Variants in FGF12 observed in about 807,000 individuals in gnomAD.
FGF12 encodes the protein fibroblast growth factor 12, also known as fibroblast growth factor 12B.
In FGF12, 14 loss-of-function variants were observed where a neutral mutation model predicts 23.6. That is an observed-to-expected ratio of 0.59 (90% confidence interval 0.39 to 0.93). FGF12 has a LOEUF of 0.93. FGF12 is among the 40% of genes least tolerant of loss of function. FGF12 has a pLI of 0.00. For missense variants in FGF12, 175 were observed against 217.8 expected, an observed-to-expected ratio of 0.80 and a Z score of 1.24; for synonymous variants, 62 against 77.3, an observed-to-expected ratio of 0.80 and a Z score of 1.04.
At chr3:192,160,283 C>T (rs1231139752) in intron 5 of FGF12, among the ~76,000 whole-genome samples, 1 of 152,098 alleles carries the variant, frequency 6.6e-6, no homozygotes, top group East Asian at 1.9e-4. Context: ...GTTACAAGCC[C>T]TCAATTTATA....
intron 2 of FGF12, among the ~76,000 whole-genome samples, chr3:192,393,686 T>C (rs1037720713): frequency 1.3e-5 from 2 of 152,180 alleles, no homozygotes; most frequent in Non-Finnish European, 2.9e-5. Flanking sequence ...ATAATATACA[T>C]GAATAAAATT....
chr3:192,246,037 C>T (rs1390528719), intron 4 of FGF12, among the ~76,000 whole-genome samples: 3 of 152,150 alleles, frequency 2.0e-5, no homozygotes, highest in Non-Finnish European at 4.4e-5. Flanking sequence ...TATCTCATCA[C>T]ATTACAAAAT....
At chr3:192,718,889 A>C (rs1002287132) in intron 2 of FGF12, among the ~76,000 whole-genome samples, 1 of 152,184 alleles carries the variant, frequency 6.6e-6, no homozygotes, top group Admixed American at 6.6e-5. Context: ...TTTTCTGTAG[A>C]AGTTAAGCCT....
chr3:192,614,920 T>C (rs1714691490), intron 2 of FGF12, among the ~76,000 whole-genome samples: 1 of 151,970 alleles, frequency 6.6e-6, no homozygotes. Flanking sequence ...GTTTTATTTG[T>C]TTACAGGGGT....
At chr3:192,614,497 A>T (rs1378397905) in intron 2 of FGF12, among the ~76,000 whole-genome samples, 1 of 151,984 alleles carries the variant, frequency 6.6e-6, no homozygotes, top group East Asian at 1.9e-4. Context: ...AAACTATTTC[A>T]TTCAAGTTAA....
chr3:192,464,695 G>C lies in FGF12; in HGVS notation c.14-104157C>G, dbSNP rs1393026761. On this transcript the variant is annotated intron_variant, in intron 2 of 5. Transcript: ENST00000445105. The stretch of plus-strand genomic sequence containing the variant: ...TGAGTAGATACCTAGTAGCAGGATT[G>C]CTGGACCGAATGGCAGAAGTTTCCT... 2.0e-5 allele frequency among the ~76,000 whole-genome samples: 3 copies of C among 152,128 alleles called. No homozygotes were observed. The East Asian group carries it at 5.8e-4, about 29-fold the overall frequency.
chr3:192,577,874 G>T (rs1712976284), intron 2 of FGF12, among the ~76,000 whole-genome samples: 1 of 152,022 alleles, frequency 6.6e-6, no homozygotes, highest in African/African-American at 2.4e-5. Flanking sequence ...CTAATGTGAA[G>T]TGTTAGATAA....
chr3:192,596,823 A>G (rs1209835239), intron 2 of FGF12, among the ~76,000 whole-genome samples: 1 of 152,246 alleles, frequency 6.6e-6, no homozygotes, highest in East Asian at 1.9e-4. Context: ...TTTAAAAAAT[A>G]GACTCTATTC....
At position 192,143,128 on chromosome 3, in the gene FGF12, T is replaced by C. The variant is rs1020483417; in HGVS notation, c.*881A>G. The C allele has an allele frequency of 6.7e-6, 1 of 149,360 alleles. No individual in the cohort carries two copies. The highest frequency in any genetic ancestry group is 6.7e-5 in the Admixed American group (1 of 14,878). The allele number at this position is 149,360 out of a possible 1,614,324, so 9.3% of individuals were successfully genotyped here. A position where few individuals can be genotyped will look rare whatever the true frequency, so the allele number is the denominator to read the frequency against. ...CACAAAGCAAAAAAATCAGACCAAA[T>C]GCTAAGAGCAAGTAACTTATACCTC... On this transcript the variant is annotated 3_prime_UTR_variant, in exon 6 of 6. Transcript: ENST00000445105.
intron 4 of FGF12, among the ~76,000 whole-genome samples, chr3:192,302,836 G>A (rs1715421379): frequency 6.6e-6 from 1 of 152,154 alleles, no homozygotes. Context: ...ACAAGGTGAA[G>A]AACATTCCAG....
At chr3:192,165,063 C>T (rs1190551246) in intron 5 of FGF12, among the ~76,000 whole-genome samples, 1 of 152,068 alleles carries the variant, frequency 6.6e-6, no homozygotes, top group African/African-American at 2.4e-5. Context: ...AAGTGATTCT[C>T]CTGCCTCAGC....
At chr3:192,296,456 T>C (rs545884892) in intron 4 of FGF12, among the ~76,000 whole-genome samples, 22 of 152,208 alleles carry the variant, frequency 1.4e-4, no homozygotes, top group Admixed American at 1.0e-3. Context: ...ACTCCTGAGC[T>C]CAAGTGATAG....
Position 192,281,735 on chromosome 3 carries a change from T to C in FGF12, c.228+53626A>G, listed in dbSNP as rs28633485. Among the ~76,000 whole-genome samples the C allele has an allele frequency of 7.3e-3, 1,117 of 152,148 alleles. 16 individuals carry two copies. The highest frequency in any genetic ancestry group is 0.025 in the African/African-American group (1,048 of 41,524). ...AAAGGATTAGGGGTAATCCTCTGAG[T>C]ACAGTGCATCCAGGGCTTACCTAAA... is the stretch of plus-strand genomic sequence containing the variant. On this transcript the variant is annotated intron_variant, in intron 4 of 5. Coordinates refer to ENST00000445105, the MANE Select transcript of FGF12 (RefSeq NM_004113.6).
At chr3:192,702,071 G>A (rs1035525476) in intron 2 of FGF12, among the ~76,000 whole-genome samples, 2 of 152,104 alleles carry the variant, frequency 1.3e-5, no homozygotes, top group Admixed American at 6.5e-5. Flanking sequence ...CTATTTCTAT[G>A]TATTCGACTT....
intron 4 of FGF12, among the ~76,000 whole-genome samples, chr3:192,259,582 G>A (rs935536492): frequency 4.6e-5 from 7 of 151,878 alleles, no homozygotes; most frequent in Admixed American, 1.3e-4. Context: ...TCCCATGAGA[G>A]GAAAAAAATG....
chr3:192,141,131 A>AAAC lies in FGF12; in HGVS notation c.*2877_*2878insGTT, dbSNP rs1473565696. 0.01 allele frequency: 1,422 copies of AAAC among 139,398 alleles called. 67 individuals are homozygous for AAAC. The highest frequency in any genetic ancestry group is 0.04 in the African/African-American group (1,363 of 33,834). 8.6% of individuals were successfully genotyped at this position (139,398 alleles called of 1,614,324 possible). On this transcript the variant is annotated 3_prime_UTR_variant, in exon 6 of 6. Coordinates refer to ENST00000445105, the MANE Select transcript of FGF12 (RefSeq NM_004113.6). ...GGGAAAAATCCCAATGCAACTCCAA[A>AAAC]AAAAAAAAAAAAAAAAAAAAAAAGC...
intron 2 of FGF12, among the ~76,000 whole-genome samples, chr3:192,638,136 G>A (rs1374443261): frequency 1.3e-5 from 2 of 152,036 alleles, no homozygotes; most frequent in African/African-American, 4.8e-5. Context: ...GTGTATATAT[G>A]TACATATATA....
At chr3:192,541,611 T>C (rs1725365466) in intron 2 of FGF12, among the ~76,000 whole-genome samples, 1 of 152,198 alleles carries the variant, frequency 6.6e-6, no homozygotes, top group Non-Finnish European at 1.5e-5. Flanking sequence ...ATACTTACTA[T>C]TACCAGTGAG....
intron 5 of FGF12, among the ~76,000 whole-genome samples, chr3:192,159,280 TCA>T (rs1416453015): frequency 1.3e-5 from 2 of 152,204 alleles, no homozygotes; most frequent in Non-Finnish European, 2.9e-5. Flanking sequence ...AGATCAATTC[TCA>T]TTTAGCAGCT....
Sources: gnomAD v4.1 joint callset for allele counts (sites outside exome capture counted in the v4.1 genomes callset) on GRCh38, gnomAD v4.1.1 for gene constraint, MANE v1.5 for transcripts, NCBI Gene and HGNC (gene_info 2026-07-23, HGNC 2026-07-21) for gene names.